ANKRD30B: variants seen among roughly 807,000 people sequenced by gnomAD.
The protein encoded by ANKRD30B is ankyrin repeat domain 30B, also known as ankyrin repeat domain-containing protein 30B.
ANKRD30B carries 144 observed loss-of-function variants against 202.2 expected under a neutral mutation model. The observed-to-expected ratio is 0.71, with a 90% CI of 0.62 to 0.82. The LOEUF is 0.82. Ranked by LOEUF, ANKRD30B falls within the 40% of genes least tolerant of loss-of-function variation. ANKRD30B has a pLI of 0.00. For missense variants in ANKRD30B, 1,487 were observed against 1,669.1 expected, an observed-to-expected ratio of 0.89 and a Z score of 1.90; for synonymous variants, 508 against 561.3, an observed-to-expected ratio of 0.91 and a Z score of 1.34.
chr18:14,809,457 C>T (rs148825713), intron 26 of ANKRD30B, among the ~76,000 whole-genome samples: 2,351 of 150,774 alleles, frequency 0.016, 164 homozygotes, highest in African/African-American at 0.055. Flanking sequence ...AGGGAGTATG[C>T]CTTAACCCTA....
At chr18:14,903,466 T>C in the ANKRD30B span, 4 of 152,110 alleles carry the variant, frequency 2.6e-5, no homozygotes, top group South Asian at 2.1e-4. Context: ...TCTTTGAAAA[T>C]TGACTGAGAC....
At chr18:14,876,539 T>C in the ANKRD30B span, among the ~76,000 whole-genome samples, 2 of 152,160 alleles carry the variant, frequency 1.3e-5, no homozygotes, top group Non-Finnish European at 2.9e-5. Flanking sequence ...CCAGTCCTTC[T>C]CTCTTGGGTT....
chr18:14,775,084 G>A (rs1326345358), intron 9 of ANKRD30B, among the ~76,000 whole-genome samples: 9 of 152,180 alleles, frequency 5.9e-5, no homozygotes, highest in Non-Finnish European at 1.2e-4. Flanking sequence ...CCCAGATCAT[G>A]CCACTGCACT....
At chr18:14,850,553 T>G (rs1284507953) in intron 41 of ANKRD30B, among the ~76,000 whole-genome samples, 171 bp downstream of exon 41, 1 of 151,860 alleles carries the variant, frequency 6.6e-6, no homozygotes, top group East Asian at 1.9e-4. Context: ...AATTATGGCA[T>G]GCAAATAGTA....
chr18:14,901,878 C>A, the ANKRD30B span, among the ~76,000 whole-genome samples: 1 of 152,132 alleles, frequency 6.6e-6, no homozygotes, highest in Non-Finnish European at 1.5e-5. Flanking sequence ...TGGCCTGATA[C>A]GTTGTCTACA....
chr18:14,846,576 T>TC (rs1238277964), intron 39 of ANKRD30B, among the ~76,000 whole-genome samples: 1 of 151,782 alleles, frequency 6.6e-6, no homozygotes, highest in Non-Finnish European at 1.5e-5. Flanking sequence ...TTCTATCTAT[T>TC]TTTGTATCAT....
chr18:14,935,589 T>G, the ANKRD30B span, among the ~76,000 whole-genome samples: 1 of 152,214 alleles, frequency 6.6e-6, no homozygotes, highest in Non-Finnish European at 1.5e-5. Flanking sequence ...GTCACCTATT[T>G]TTCTTCTTGC....
At chr18:14,870,827 C>G in the ANKRD30B span, among the ~76,000 whole-genome samples, 2 of 152,140 alleles carry the variant, frequency 1.3e-5, no homozygotes, top group Non-Finnish European at 2.9e-5. Flanking sequence ...TGGTCCGCTT[C>G]CTTGGCACAG....
At chr18:14,867,035 G>T in the ANKRD30B span, among the ~76,000 whole-genome samples, 2 of 148,714 alleles carry the variant, frequency 1.3e-5, no homozygotes. Context: ...AAAGGGGAAG[G>T]TGGGGTCGGG....
intron 16 of ANKRD30B, among the ~76,000 whole-genome samples, chr18:14,794,032 A>T (rs987735567): frequency 6.6e-6 from 1 of 152,206 alleles, no homozygotes; most frequent in Non-Finnish European, 1.5e-5. Context: ...ACTTCACGCT[A>T]TATTAGAAAT....
the ANKRD30B span, among the ~76,000 whole-genome samples, chr18:14,920,079 C>T: frequency 2.0e-5 from 3 of 152,238 alleles, no homozygotes; most frequent in Non-Finnish European, 4.4e-5. Flanking sequence ...GGTCAGTAAA[C>T]AAGGCACTGA....
intron 30 of ANKRD30B, among the ~76,000 whole-genome samples, chr18:14,818,856 T>G (rs1451254673): frequency 6.6e-6 from 1 of 151,996 alleles, no homozygotes; most frequent in Non-Finnish European, 1.5e-5. Context: ...GCATGATTTA[T>G]AGTCCTTTGG....
the ANKRD30B span, among the ~76,000 whole-genome samples, chr18:14,865,303 A>G: frequency 3.4e-5 from 5 of 148,740 alleles, no homozygotes; most frequent in African/African-American, 1.0e-4. Flanking sequence ...GTCTTTTCAC[A>G]AAACCTTCTC....
intron 15 of ANKRD30B, 41 bp from the exon 16 acceptor site, chr18:14,791,359 GA>G: frequency 6.6e-7 from 1 of 1,509,582 alleles, no homozygotes; most frequent in Non-Finnish European, 9.0e-7. Flanking sequence ...TCATTACTAG[GA>G]TTTTTTCATT....
chr18:14,864,855 G>A, the ANKRD30B span, among the ~76,000 whole-genome samples: 11 of 149,526 alleles, frequency 7.4e-5, no homozygotes, highest in South Asian at 1.3e-3. Context: ...ACATTTTCCC[G>A]CCGTCTTTTT....
chr18:14,884,186 C>T, the ANKRD30B span: 1 of 136,536 alleles, frequency 7.3e-6, no homozygotes, highest in Admixed American at 7.7e-5. Context: ...TTATCTCACA[C>T]TCTGATTTCT....
intron 18 of ANKRD30B, 89 bp downstream of exon 18, chr18:14,796,504 C>T: frequency 7.8e-6 from 11 of 1,417,802 alleles, no homozygotes; most frequent in Non-Finnish European, 1.0e-5. Context: ...ATGTTGTTTT[C>T]TTTTGAAAAT....
chr18:14,855,897 G>A (rs62088969), downstream of ANKRD30B, among the ~76,000 whole-genome samples: 15,977 of 101,006 alleles, frequency 0.16, 1 homozygote, highest in African/African-American at 0.2. Context: ...CAGACGGGGC[G>A]GCTGGGCAGA....
chr18:14,866,542 G>T, the ANKRD30B span, among the ~76,000 whole-genome samples: 6 of 152,292 alleles, frequency 3.9e-5, no homozygotes, highest in South Asian at 6.2e-4. Context: ...CGTGCCCAAC[G>T]CTGGCAGCTG....
Sources: allele counts gnomAD v4.1 joint callset (sites outside exome capture counted in the v4.1 genomes callset), GRCh38; gene constraint gnomAD v4.1.1; transcripts MANE v1.5; gene names NCBI Gene and HGNC (gene_info 2026-07-23, HGNC 2026-07-21).